KLF8: variants seen among roughly 807,000 people sequenced by gnomAD.
KLF8 encodes the protein KLF transcription factor 8.
A neutral mutation model predicts 18.2 loss-of-function variants in KLF8; 10 were observed. The ratio of observed to expected loss-of-function variants is 0.55; its 90% CI spans 0.34 to 0.93. The LOEUF is 0.93. Among genes scored for constraint, KLF8 ranks in the 40% least tolerant of loss-of-function variants. KLF8 has a pLI of 0.02. For missense variants in KLF8, 264 were observed against 277.9 expected (o/e 0.95, Z 0.36); for synonymous variants, 109 against 97.3 (o/e 1.12, Z -0.71).
At chrX:56,268,279 T>C (rs955316053) in intron 3 of KLF8, 2 of 112,003 alleles carry the variant, frequency 1.8e-5, no homozygotes, top group Non-Finnish European at 3.8e-5. Flanking sequence ...GATGCAGTTA[T>C]CTTTTGGGCA....
At chrX:56,089,651 G>A in the KLF8 span, among the ~76,000 whole-genome samples, 1 of 112,379 alleles carries the variant, frequency 8.9e-6, no homozygotes, top group Non-Finnish European at 1.9e-5. Flanking sequence ...GGTGAATACA[G>A]AGAACCACAG....
At chrX:56,243,092 T>C (rs2066569363) in intron 1 of KLF8, 2 of 523,748 alleles carry the variant, frequency 3.8e-6, no homozygotes, top group Admixed American at 2.3e-5. Context: ...CTGGTGCTTG[T>C]TGGCTTTAAC....
In KLF8 at chrX:56,290,054, C is replaced by A. The variant is rs1221090793; in HGVS notation, c.*5560C>A. 9.0e-6 allele frequency among the ~76,000 whole-genome samples: 1 copy of A among 111,505 alleles called. No homozygotes were observed. Among genetic ancestry groups the A allele is most frequent in the African/African-American group, 3.3e-5 (1 of 30,659 alleles). On this transcript the variant is annotated 3_prime_UTR_variant, in exon 6 of 6. Transcript: ENST00000468660. ...TGGATACAGAAGGAACTGGGTGGGCCAAATTTAAATAAACACATAGCACTA... is the reference window on the plus strand; with the variant it reads ...TGGATACAGAAGGAACTGGGTGGGCAAAATTTAAATAAACACATAGCACTA...
chrX:56,217,297 T>C, the KLF8 span, among the ~76,000 whole-genome samples: 1 of 112,055 alleles, frequency 8.9e-6, no homozygotes, highest in Non-Finnish European at 1.9e-5. Context: ...TCATTATTGG[T>C]AGTGTTTTCC....
At chrX:56,186,508 G>A in the KLF8 span, among the ~76,000 whole-genome samples, 1 of 111,056 alleles carries the variant, frequency 9.0e-6, no homozygotes, top group Non-Finnish European at 1.9e-5. Flanking sequence ...ATTGAACTCA[G>A]CTCTGCACCA....
the KLF8 span, among the ~76,000 whole-genome samples, chrX:55,984,515 A>T: frequency 9.0e-6 from 1 of 111,512 alleles, no homozygotes; most frequent in South Asian, 3.8e-4. Flanking sequence ...TTCTTTACCC[A>T]GTCTATCATT....
the KLF8 span, among the ~76,000 whole-genome samples, chrX:56,074,109 T>C: frequency 8.9e-6 from 1 of 111,828 alleles, no homozygotes; most frequent in East Asian, 2.8e-4. Flanking sequence ...TGGAAAAAAA[T>C]CTTCTCAAGA....
chrX:56,020,500 C>G, the KLF8 span, among the ~76,000 whole-genome samples: 3 of 111,261 alleles, frequency 2.7e-5, no homozygotes, highest in African/African-American at 9.8e-5. Context: ...ATGGTATCAC[C>G]AATATTTGGC....
chrX:56,284,382 G>A lies in KLF8; in HGVS notation c.968G>A (p.Arg323His), dbSNP rs2067244535. Reference sequence around the variant, plus strand: ...TTTGCTCGCTCAGATGAGCTCACTCGCCATTTCCGCAAGCACACAGGCATC... The same window carrying A: ...TTTGCTCGCTCAGATGAGCTCACTCACCATTTCCGCAAGCACACAGGCATC... ...WKFARSDELT[R>H]HFRKHTGIKP... The change falls in exon 6 of 6, where the codon CGC becomes CAC. Residue 323 changes from arginine (R) to histidine (H), a missense_variant. Around this residue, in one of 2 missense-constraint regions of KLF8, gnomAD observed 43 missense variants for 84.3 expected, o/e 0.51. Coordinates refer to ENST00000468660, the MANE Select transcript of KLF8 (RefSeq NM_007250.5). 1 of 1,205,833 alleles carries A rather than the reference G, an allele frequency of 8.3e-7. No individual in the cohort carries two copies. Among genetic ancestry groups the A allele is most frequent in the Non-Finnish European group, 1.1e-6 (1 of 892,526 alleles).
chrX:56,191,655 T>A, the KLF8 span, among the ~76,000 whole-genome samples: 1 of 111,774 alleles, frequency 8.9e-6, no homozygotes, highest in Non-Finnish European at 1.9e-5. Flanking sequence ...AACATGCAAA[T>A]TAATCAATTT....
At chrX:56,051,170 G>C in the KLF8 span, among the ~76,000 whole-genome samples, 1 of 111,272 alleles carries the variant, frequency 9.0e-6, no homozygotes, top group Admixed American at 9.6e-5. Flanking sequence ...GTCTCTGTAC[G>C]TGAGATGGGT....
chrX:56,003,407 A>AAAAT, the KLF8 span, among the ~76,000 whole-genome samples: 7,259 of 100,217 alleles, frequency 0.072, 335 homozygotes, highest in African/African-American at 0.13. Context: ...GAGACTCCGT[A>AAAAT]AAATAAATAA....
chrX:56,197,543 A>C, the KLF8 span, among the ~76,000 whole-genome samples: 1 of 112,011 alleles, frequency 8.9e-6, no homozygotes, highest in African/African-American at 3.2e-5. Context: ...ATCAGGAAGA[A>C]GTTGAATCCC....
chrX:55,925,416 GCA>G, the KLF8 span, among the ~76,000 whole-genome samples: 1 of 108,943 alleles, frequency 9.2e-6, no homozygotes, highest in Admixed American at 9.9e-5. Context: ...ACACACACAC[GCA>G]CACACACACT....
At chrX:56,089,490 CA>C in the KLF8 span, among the ~76,000 whole-genome samples, 1 of 112,061 alleles carries the variant, frequency 8.9e-6, no homozygotes, top group African/African-American at 3.2e-5. Flanking sequence ...AGAGGACTTT[CA>C]GTTTCCCAGT....
intron 2 of KLF8, among the ~76,000 whole-genome samples, chrX:56,258,313 C>T (rs977662077): frequency 8.9e-6 from 1 of 112,317 alleles, no homozygotes; most frequent in African/African-American, 3.2e-5. Context: ...TGCTCTGTCA[C>T]CCAGGCTTGA....
At chrX:56,081,621 A>T in the KLF8 span, among the ~76,000 whole-genome samples, 1 of 111,949 alleles carries the variant, frequency 8.9e-6, no homozygotes. Context: ...TTTTTTACAA[A>T]TGCCTTCTAT....
the KLF8 span, among the ~76,000 whole-genome samples, chrX:56,048,338 T>G: frequency 8.9e-6 from 1 of 112,151 alleles, no homozygotes; most frequent in Non-Finnish European, 1.9e-5. Context: ...ATGAAGCCCT[T>G]GCCCATGTCT....
At chrX:55,992,378 T>G in the KLF8 span, among the ~76,000 whole-genome samples, 1 of 112,415 alleles carries the variant, frequency 8.9e-6, no homozygotes, top group Non-Finnish European at 1.9e-5. Flanking sequence ...TTGCTTCTTG[T>G]TTTTGACTTT....
Sources: gnomAD v4.1 joint callset for allele counts (sites outside exome capture counted in the v4.1 genomes callset) on GRCh38, gnomAD v4.1.1 for gene constraint, gnomAD v4.1.1 regional missense constraint, MANE v1.5 for transcripts, NCBI Gene and HGNC (gene_info 2026-07-23, HGNC 2026-07-21) for gene names.